The following DROSHA variants were observed in gnomAD, a reference collection of about 807,000 sequenced individuals.
DROSHA encodes the protein drosha ribonuclease III.
DROSHA carries 56 observed loss-of-function variants against 181.9 expected under a neutral mutation model. The ratio of observed to expected loss-of-function variants is 0.31; its 90% CI spans 0.25 to 0.38. The LOEUF (loss-of-function observed/expected upper bound fraction) is 0.38, where lower values mean the gene tolerates loss of function less well. Among genes scored for constraint, DROSHA ranks in the 10% least tolerant of loss-of-function variants. The pLI is 1.00. For missense variants in DROSHA, 1,218 were observed against 1,743.5 expected (o/e 0.70, Z 5.37); for synonymous variants, 524 against 591.2 (o/e 0.89, Z 1.65).
At chr5:31,484,335 CT>C in intron 15 of DROSHA, among the ~76,000 whole-genome samples, 1 of 130,400 alleles carries the variant, frequency 7.7e-6, no homozygotes, top group Admixed American at 8.7e-5. Flanking sequence ...GATTGCGCCA[CT>C]GCAGTCCGCA....
chr5:31,419,278 G>T (rs1393853468), intron 30 of DROSHA, among the ~76,000 whole-genome samples: 2 of 152,180 alleles, frequency 1.3e-5, no homozygotes, highest in East Asian at 3.8e-4. Context: ...AGATCTGCTG[G>T]TCCTGCTAAT....
rs903137606 is a variant in DROSHA, at chr5:31,409,831, C to T, written c.3668-499G>A. On this transcript the variant is annotated intron_variant, in intron 31 of 35. Transcript: ENST00000344624. This position sits in a 1 kb window ranked among gnomAD's most constrained non-coding sequence, Gnocchi z 4.0. ...TGCCCAAAAAGAGAAAAACTTAATA[C>T]TGATCTTAATGACAACAATATGTCA... 6.6e-6 allele frequency among the ~76,000 whole-genome samples: 1 copy of T among 152,002 alleles called. No individual in the cohort carries two copies.
chr5:31,401,467 T>C lies in DROSHA; in HGVS notation c.4090A>G (p.Arg1364Gly), dbSNP rs61751196. ...EMRWEREHQE[R>G]EPDETEDIKK is the part of the protein sequence containing the mutation. ...ATGTCTTCAGTCTCATCTGGCTCTCTCTCTTGATGCTCTCTTTCCCACCTC... is the reference window on the plus strand; with the variant it reads ...ATGTCTTCAGTCTCATCTGGCTCTCCCTCTTGATGCTCTCTTTCCCACCTC... The change falls in exon 36 of 36, where the codon AGA (arginine) becomes GGA (glycine). Residue 1364 changes from arginine (R) to glycine (G), a missense_variant. Transcript: ENST00000344624. 1.2e-5 allele frequency: 19 copies of C among 1,613,136 alleles called. No homozygotes were observed. The highest frequency in any genetic ancestry group is 1.5e-5 in the Non-Finnish European group (18 of 1,179,430).
In DROSHA at chr5:31,516,005, C is replaced by T. The variant is rs188501061; in HGVS notation, c.948-441G>A. ...GCGTGGTGGCTCACATCTGTAATCC[C>T]AGCACTTTGGAAGGCCGAGGCGGGA... On this transcript the variant is annotated intron_variant, in intron 6 of 35. Transcript: ENST00000344624. Among the ~76,000 whole-genome samples, 195 of 152,314 alleles carry T rather than the reference C, an allele frequency of 1.3e-3. 1 individual carries two copies. The highest frequency in any genetic ancestry group is 6.8e-3 in the Middle Eastern group (2 of 294).
Position 31,483,548 on chromosome 5 carries a change from A to AT in DROSHA, c.2071+5dup. Reference sequence around the variant, plus strand: ...CACCAGGTCACTGACAAGCCAGAAGATTTACCTGGAAGAAATCTTACAAAA... The same window carrying AT: ...CACCAGGTCACTGACAAGCCAGAAGATTTTACCTGGAAGAAATCTTACAAAA... On this transcript the variant is annotated splice_donor_region_variant and intron_variant, in intron 16 of 35. Coordinates refer to ENST00000344624, the MANE Select transcript of DROSHA (RefSeq NM_001382508.1). The AT allele has an allele frequency of 6.2e-7, 1 of 1,613,382 alleles. No individual in the cohort carries two copies. The highest frequency in any genetic ancestry group is 8.5e-7 in the Non-Finnish European group (1 of 1,179,740).
intron 4 of DROSHA, among the ~76,000 whole-genome samples, chr5:31,527,224 A>T (rs376532562): frequency 3.3e-5 from 5 of 152,314 alleles, no homozygotes; most frequent in African/African-American, 1.2e-4. Context: ...ATTTGCTGTC[A>T]TGCCTTTGCT....
At chr5:31,523,949 T>TG (rs1282482266) in intron 5 of DROSHA, among the ~76,000 whole-genome samples, 2 of 120,334 alleles carry the variant, frequency 1.7e-5, no homozygotes, top group African/African-American at 3.3e-5. Flanking sequence ...CACTCCAGCC[T>TG]GGGGAACAAA....
intron 17 of DROSHA, among the ~76,000 whole-genome samples, chr5:31,469,730 G>A (rs1561211121): frequency 6.6e-6 from 1 of 152,138 alleles, no homozygotes; most frequent in Non-Finnish European, 1.5e-5. Flanking sequence ...TATGGCAGGG[G>A]TTGAGGGAGC....
At position 31,449,351 on chromosome 5, in the gene DROSHA, T is replaced by C. The variant is rs542989519; in HGVS notation, c.2751A>G (p.Leu917=). 8.3e-5 allele frequency: 134 copies of C among 1,612,462 alleles called. 1 individual carries two copies. Among genetic ancestry groups the C allele is most frequent in the East Asian group, 4.0e-4 (18 of 44,864 alleles). ...GMNPDHARNS[L]SNCGIRQPKY... ...TGGGCTGCCGAATTCCACAGTTAGATAATGAATTCCTGGCATGATCAGGAT... is the reference window on the plus strand; with the variant it reads ...TGGGCTGCCGAATTCCACAGTTAGACAATGAATTCCTGGCATGATCAGGAT... The change falls in exon 22 of 36, where the codon TTA becomes TTG. Residue 917 remains leucine, a synonymous_variant. Transcript: ENST00000344624.
intron 12 of DROSHA, among the ~76,000 whole-genome samples, chr5:31,494,755 G>C (rs1015105643): frequency 2.6e-5 from 4 of 151,810 alleles, no homozygotes; most frequent in African/African-American, 7.3e-5. Context: ...GTGCGATCTC[G>C]GCTCTGCCTC....
chr5:31,484,839 C>T, intron 15 of DROSHA, 42 bp downstream of exon 15: 1 of 1,366,910 alleles, frequency 7.3e-7, no homozygotes, highest in Middle Eastern at 1.8e-4. Context: ...CCATAATGTT[C>T]TTCCATAAAC....
At chr5:31,413,443 A>G (rs987714114) in intron 30 of DROSHA, among the ~76,000 whole-genome samples, 12 of 152,242 alleles carry the variant, frequency 7.9e-5, no homozygotes, top group Non-Finnish European at 1.5e-4. Flanking sequence ...GACAACTTTC[A>G]TCCTTGTCCT....
rs1740820221 is a variant in DROSHA at position 31,528,186 on chromosome 5, A to G, written c.20+854T>C. Among the ~76,000 whole-genome samples, 3 of 152,072 alleles carry G rather than the reference A, an allele frequency of 2.0e-5. No individual in the cohort carries two copies. The South Asian group carries it at 6.2e-4, about 32-fold the overall frequency. ...TCTGCTCACTCTCTCTTCCAAAGTG[A>G]TGCTACTCACCTGCACTGCTTCAAT... is the stretch of plus-strand genomic sequence containing the variant. On this transcript the variant is annotated intron_variant, in intron 4 of 35. Transcript: ENST00000344624.
chr5:31,527,351 C>T (rs1375710993), intron 4 of DROSHA, among the ~76,000 whole-genome samples: 1 of 152,208 alleles, frequency 6.6e-6, no homozygotes, highest in African/African-American at 2.4e-5. Flanking sequence ...TCCTCCACCT[C>T]TCCCTGATAC....
chr5:31,485,473 C>A (rs528069339), intron 14 of DROSHA, among the ~76,000 whole-genome samples: 3 of 151,964 alleles, frequency 2.0e-5, no homozygotes, highest in African/African-American at 7.2e-5. Flanking sequence ...CTCCTGTAAA[C>A]AAGCTAAACA....
rs1159485607 is a variant in DROSHA, at chr5:31,411,792, A to G, written c.3526-905T>C. On this transcript the variant is annotated intron_variant, in intron 30 of 35. Coordinates refer to ENST00000344624, the MANE Select transcript of DROSHA (RefSeq NM_001382508.1). The surrounding 1 kb of genome is among the most constrained non-coding windows in gnomAD (Gnocchi z 4.2). ...TAGGCACCTGCCAACATGCCCAGCT[A>G]ATTTTTGTATTTTTTGTAGAGACAG... 6.6e-6 allele frequency among the ~76,000 whole-genome samples: 1 copy of G among 151,998 alleles called. No individual in the cohort carries two copies. The highest frequency in any genetic ancestry group is 1.5e-5 in the Non-Finnish European group (1 of 67,992).
Position 31,526,255 on chromosome 5 carries a change from T to A in DROSHA, c.678A>T (p.Lys226Asn), listed in dbSNP as rs772933006. Residue 226 changes from lysine to asparagine, a missense_variant, in exon 5 of 36, where the codon AAA becomes AAT. Physicochemically the swap from Lys to Asn is moderately conservative, Grantham distance 94 (BLOSUM62 0). Coordinates refer to ENST00000344624, the MANE Select transcript of DROSHA (RefSeq NM_001382508.1). ...CTCGGTGCCTGTGGTCATCATAGTG[T>A]TTCAGCCTTTCTGGGGACCTTCTCT... is the stretch of plus-strand genomic sequence containing the variant. Reference protein sequence around the residue: ...PSERRSPERLKHYDDHRHRDH... With the variant: ...PSERRSPERLNHYDDHRHRDH... 2 of 1,613,720 alleles carry A rather than the reference T, an allele frequency of 1.2e-6. No individual in the cohort carries two copies. Among genetic ancestry groups the A allele is most frequent in the Non-Finnish European group, 1.7e-6 (2 of 1,179,812 alleles).
chr5:31,454,176 G>A (rs1407200255), intron 20 of DROSHA, among the ~76,000 whole-genome samples: 2 of 152,158 alleles, frequency 1.3e-5, no homozygotes, highest in Non-Finnish European at 2.9e-5. Flanking sequence ...ACCCAAACTG[G>A]AGAGAGCTCT....
Position 31,449,246 on chromosome 5 carries a change from T to C in DROSHA, c.2821+35A>G, listed in dbSNP as rs774440843. On this transcript the variant is annotated intron_variant, in intron 22 of 35. Coordinates refer to ENST00000344624, the MANE Select transcript of DROSHA (RefSeq NM_001382508.1). ...TTACAACAGAAAACACAGGCCAAAA[T>C]AGGAGATTCACATCTTAAAATCATC... 1.9e-5 allele frequency: 30 copies of C among 1,609,292 alleles called. No individual in the cohort carries two copies. In the South Asian group the frequency reaches 2.6e-4, roughly 14 times the overall value.
Sources: allele counts gnomAD v4.1 joint callset (sites outside exome capture counted in the v4.1 genomes callset), GRCh38; gene constraint gnomAD v4.1.1; non-coding constraint Gnocchi (gnomAD v3.1); transcripts MANE v1.5; gene names NCBI Gene and HGNC (gene_info 2026-07-23, HGNC 2026-07-21).